Variants in ACOXL observed in about 807,000 individuals in gnomAD.
The protein encoded by ACOXL is acyl-CoA oxidase like, also known as acyl-coenzyme A oxidase-like protein.
A neutral mutation model predicts 71.9 loss-of-function variants in ACOXL; 70 were observed. The ratio of observed to expected loss-of-function variants is 0.97; its 90% confidence interval spans 0.80 to 1.19. The LOEUF is 1.19. ACOXL is among the 50% of genes most tolerant of loss of function. ACOXL has a pLI of 0.00. For synonymous variants in ACOXL, 253 were observed against 281.6 expected, an observed-to-expected ratio of 0.90 and a Z score of 1.02; for missense variants, 703 against 736.3, an observed-to-expected ratio of 0.95 and a Z score of 0.52.
chr2:110,754,103 C>T (rs1464625266), intron 1 of ACOXL, among the ~76,000 whole-genome samples: 9 of 143,192 alleles, frequency 6.3e-5, no homozygotes, highest in Non-Finnish European at 1.2e-4. Flanking sequence ...GATAGGGTCT[C>T]ACTCTGTCAC....
chr2:111,030,546 G>A (rs555375673), intron 14 of ACOXL, among the ~76,000 whole-genome samples: 63 of 152,140 alleles, frequency 4.1e-4, no homozygotes, highest in Non-Finnish European at 7.8e-4. Flanking sequence ...TTTTTCCACC[G>A]GAGCACAAAG....
At chr2:110,769,597 G>T (rs1412521065) in intron 2 of ACOXL, among the ~76,000 whole-genome samples, 1 of 152,116 alleles carries the variant, frequency 6.6e-6, no homozygotes, top group African/African-American at 2.4e-5. Context: ...GACCAGCCTG[G>T]CCTCAACATG....
In ACOXL at chr2:110,962,717, T is replaced by C. The variant is rs138424578; in HGVS notation, c.1060-24391T>C. On this transcript the variant is annotated intron_variant, in intron 12 of 17. Coordinates refer to ENST00000439055, the MANE Select transcript of ACOXL (RefSeq NM_001142807.4). ...AAGAGTATGACTGCCCCTGGGCCTC[T>C]GTGGCTTGAAAATATTATCAGAGCA... is the stretch of plus-strand genomic sequence containing the variant. Among the ~76,000 whole-genome samples, 8 of 152,392 alleles carry C rather than the reference T, an allele frequency of 5.2e-5. No individual in the cohort carries two copies. In the East Asian group the frequency reaches 1.5e-3, roughly 29 times the overall value.
At chr2:110,938,965 C>T (rs2060769123) in intron 12 of ACOXL, among the ~76,000 whole-genome samples, 1 of 152,068 alleles carries the variant, frequency 6.6e-6, no homozygotes, top group African/African-American at 2.4e-5. Flanking sequence ...CCTGCACAAC[C>T]CATATTGACA....
chr2:111,113,619 C>T (rs1171636094), intron 17 of ACOXL, among the ~76,000 whole-genome samples: 1 of 152,124 alleles, frequency 6.6e-6, no homozygotes, highest in Non-Finnish European at 1.5e-5. Flanking sequence ...GAGTAACAAG[C>T]TATGAATTGT....
chr2:110,799,979 A>C (rs1685766199), intron 7 of ACOXL, among the ~76,000 whole-genome samples: 1 of 152,226 alleles, frequency 6.6e-6, no homozygotes, highest in South Asian at 2.1e-4. Flanking sequence ...AGGAGTCTAA[A>C]AGTAGCCAAT....
intron 16 of ACOXL, among the ~76,000 whole-genome samples, chr2:111,086,385 C>T (rs1357342878): frequency 6.6e-6 from 1 of 152,106 alleles, no homozygotes; most frequent in East Asian, 1.9e-4. Flanking sequence ...AGTTTTTATC[C>T]TTGGGATGCT....
Position 110,884,219 on chromosome 2 carries a change from T to G in ACOXL, c.789-24570T>G, listed in dbSNP as rs570718725. Among the ~76,000 whole-genome samples, 4 of 152,264 alleles carry G rather than the reference T, an allele frequency of 2.6e-5. No homozygotes were observed. The South Asian group carries it at 8.3e-4, about 32-fold the overall frequency. On this transcript the variant is annotated intron_variant, in intron 10 of 17. Transcript: ENST00000439055. The stretch of plus-strand genomic sequence containing the variant: ...TACTAGGTCGAACAAAGAGAAGCAG[T>G]TGTGGAAAATTAAACTATGTAAGGA...
chr2:110,844,471 C>T (rs572285505), intron 10 of ACOXL, among the ~76,000 whole-genome samples: 10 of 151,920 alleles, frequency 6.6e-5, no homozygotes, highest in African/African-American at 1.9e-4. Flanking sequence ...TTCTTCCCCT[C>T]GGCCACAGGA....
At chr2:110,899,928 C>T (rs780698613) in intron 10 of ACOXL, among the ~76,000 whole-genome samples, 6 of 152,200 alleles carry the variant, frequency 3.9e-5, no homozygotes, top group Admixed American at 6.5e-5. Context: ...TCTATGGCAA[C>T]GCATTGTGCT....
At chr2:110,892,510 C>T (rs1698035938) in intron 10 of ACOXL, among the ~76,000 whole-genome samples, 1 of 152,052 alleles carries the variant, frequency 6.6e-6, no homozygotes, top group Non-Finnish European at 1.5e-5. Flanking sequence ...CACTGGGTCA[C>T]CAGAAAGTTT....
At chr2:110,756,343 A>G (rs1477859748) in intron 1 of ACOXL, among the ~76,000 whole-genome samples, 2 of 152,110 alleles carry the variant, frequency 1.3e-5, no homozygotes, top group African/African-American at 4.8e-5. Flanking sequence ...TGGCCAGGCT[A>G]GTCTCAAACT....
intron 14 of ACOXL, among the ~76,000 whole-genome samples, chr2:110,998,488 TA>T (rs2063489774): frequency 1.3e-5 from 2 of 152,212 alleles, no homozygotes; most frequent in Non-Finnish European, 2.9e-5. Context: ...GAGAGCTGTT[TA>T]AAAAGTTCCC....
chr2:110,801,262 C>T (rs529763933), intron 7 of ACOXL, among the ~76,000 whole-genome samples: 1 of 152,204 alleles, frequency 6.6e-6, no homozygotes, highest in Non-Finnish European at 1.5e-5. Flanking sequence ...CACTGCATTC[C>T]TGGGGAGAGC....
intron 10 of ACOXL, among the ~76,000 whole-genome samples, chr2:110,900,933 G>C (rs757796744): frequency 3.9e-5 from 6 of 152,218 alleles, no homozygotes; most frequent in Non-Finnish European, 8.8e-5. Context: ...GGTTTATCCT[G>C]GGTGGTGTTG....
chr2:110,829,390 C>G (rs1169710526), intron 9 of ACOXL, among the ~76,000 whole-genome samples: 1 of 152,168 alleles, frequency 6.6e-6, no homozygotes, highest in Non-Finnish European at 1.5e-5. Context: ...CTTCCCTTAG[C>G]TGTGTCTCTT....
At chr2:110,932,228 G>C (rs961126243) in intron 11 of ACOXL, among the ~76,000 whole-genome samples, 1 of 152,176 alleles carries the variant, frequency 6.6e-6, no homozygotes, top group Non-Finnish European at 1.5e-5. Context: ...TAGTGTCAAA[G>C]AACAGTTCAG....
chr2:110,974,226 C>G (rs1352662513), intron 12 of ACOXL, among the ~76,000 whole-genome samples: 1 of 152,212 alleles, frequency 6.6e-6, no homozygotes, highest in Non-Finnish European at 1.5e-5. Context: ...AGGGGAGAAA[C>G]TGGCCAGTGA....
At chr2:111,069,562 T>C (rs898535306) in intron 16 of ACOXL, among the ~76,000 whole-genome samples, 2 of 152,108 alleles carry the variant, frequency 1.3e-5, no homozygotes, top group Non-Finnish European at 2.9e-5. Flanking sequence ...CCACTGGGGG[T>C]TGGGACTTAA....
Sources: allele counts gnomAD v4.1 joint callset (sites outside exome capture counted in the v4.1 genomes callset), GRCh38; gene constraint gnomAD v4.1.1; transcripts MANE v1.5; gene names NCBI Gene and HGNC (gene_info 2026-07-23, HGNC 2026-07-21).